The following SLC4A4 variants were observed in gnomAD, a reference collection of about 807,000 sequenced individuals.
The protein encoded by SLC4A4 is solute carrier family 4 member 4, also known as electrogenic sodium bicarbonate cotransporter 1.
Under a neutral mutation model 111.5 loss-of-function variants are expected in SLC4A4, and 27 were observed. The observed-to-expected ratio is 0.24, with a 90% CI of 0.18 to 0.33. The LOEUF is 0.33. Ranked by LOEUF, SLC4A4 falls within the 10% of genes least tolerant of loss-of-function variation. SLC4A4 has a pLI of 1.00. For missense variants in SLC4A4, 909 were observed against 1,315.5 expected (o/e 0.69, Z 4.78); for synonymous variants, 443 against 463.4 (o/e 0.96, Z 0.57).
chr4:71,459,522 T>A (rs550674630), intron 12 of SLC4A4, among the ~76,000 whole-genome samples: 1 of 152,190 alleles, frequency 6.6e-6, no homozygotes, highest in African/African-American at 2.4e-5. Context: ...GTATGAATAT[T>A]TAACATCATT....
At chr4:71,387,536 C>T (rs1397066162) in intron 6 of SLC4A4, among the ~76,000 whole-genome samples, 1 of 151,896 alleles carries the variant, frequency 6.6e-6, no homozygotes, top group African/African-American at 2.4e-5. Flanking sequence ...CTCTTGTTGC[C>T]CAGGCTGGAG....
intron 3 of SLC4A4, among the ~76,000 whole-genome samples, chr4:71,285,080 C>G (rs1723805177): frequency 6.6e-6 from 1 of 152,148 alleles, no homozygotes; most frequent in Non-Finnish European, 1.5e-5. Context: ...TCTCAGTAGT[C>G]TCAGGTGTCA....
intron 3 of SLC4A4, among the ~76,000 whole-genome samples, chr4:71,294,840 T>C (rs1724649143): frequency 6.6e-6 from 1 of 152,258 alleles, no homozygotes; most frequent in Non-Finnish European, 1.5e-5. Context: ...CCATAATTGT[T>C]ATAAATATAA....
At chr4:71,189,096 T>C (rs1320716715) in intron 1 of SLC4A4, among the ~76,000 whole-genome samples, 1 of 151,802 alleles carries the variant, frequency 6.6e-6, no homozygotes, top group East Asian at 1.9e-4. Flanking sequence ...TTTGTAGGAG[T>C]GGGGGTGACA....
intron 7 of SLC4A4, among the ~76,000 whole-genome samples, chr4:71,402,955 T>G (rs928440170): frequency 6.6e-6 from 1 of 152,222 alleles, no homozygotes; most frequent in Admixed American, 6.5e-5. Context: ...CTTAAACAGT[T>G]GACAGGGATT....
chr4:71,205,696 T>A (rs1717712150), intron 1 of SLC4A4, among the ~76,000 whole-genome samples: 1 of 152,106 alleles, frequency 6.6e-6, no homozygotes, highest in Non-Finnish European at 1.5e-5. Flanking sequence ...AGCTATTGAC[T>A]CCTCCAAAAT....
intron 1 of SLC4A4, among the ~76,000 whole-genome samples, chr4:71,198,778 T>C (rs1746122355): frequency 6.6e-6 from 1 of 152,144 alleles, no homozygotes; most frequent in South Asian, 2.1e-4. Context: ...CTGGGCAGCA[T>C]AGTGAGACCC....
chr4:71,274,392 G>A (rs550904541), intron 3 of SLC4A4, among the ~76,000 whole-genome samples: 7 of 152,104 alleles, frequency 4.6e-5, no homozygotes, highest in Non-Finnish European at 1.0e-4. Flanking sequence ...TTGTTCAGTG[G>A]CCAACTGTAT....
At position 71,569,804 on chromosome 4, in the gene SLC4A4, T is replaced by C. The variant is rs1737795486; in HGVS notation, c.*2053T>C. The C allele has an allele frequency of 6.6e-6, 1 of 151,748 alleles. No individual in the cohort carries two copies. Among genetic ancestry groups the C allele is most frequent in the South Asian group, 2.1e-4 (1 of 4,836 alleles). The allele number at this position is 151,748 out of a possible 1,614,324, so 9.4% of individuals were successfully genotyped here. A position where few individuals can be genotyped will look rare whatever the true frequency, so the allele number is the denominator to read the frequency against. ...ATTATCCTGAGTTAGCTGTTACTTT[T>C]ACAGTACCTGATACTCCTAAAACTT... On this transcript the variant is annotated 3_prime_UTR_variant, in exon 26 of 26. Transcript: ENST00000264485.
At chr4:71,520,344 A>G (rs573930781) in intron 16 of SLC4A4, among the ~76,000 whole-genome samples, 136 of 152,322 alleles carry the variant, frequency 8.9e-4, no homozygotes, top group Admixed American at 2.4e-3. Context: ...AAACACTTAG[A>G]CTTCTCTTTT....
At chr4:71,522,701 C>T (rs530374444) in intron 16 of SLC4A4, among the ~76,000 whole-genome samples, 1 of 152,298 alleles carries the variant, frequency 6.6e-6, no homozygotes, top group Non-Finnish European at 1.5e-5. Flanking sequence ...TTCTAACCCT[C>T]ACATGAATTG....
At chr4:71,221,713 A>T (rs950825711) in intron 1 of SLC4A4, among the ~76,000 whole-genome samples, 9 of 152,212 alleles carry the variant, frequency 5.9e-5, no homozygotes, top group Non-Finnish European at 1.3e-4. Context: ...CTTTGGAGCT[A>T]GTTTGGCAGA....
intron 7 of SLC4A4, among the ~76,000 whole-genome samples, chr4:71,406,332 T>TA (rs1553906277): frequency 4.6e-5 from 7 of 151,672 alleles, no homozygotes; most frequent in South Asian, 2.1e-4. Flanking sequence ...CTTTTTTTTT[T>TA]AACATGTTGG....
intron 3 of SLC4A4, among the ~76,000 whole-genome samples, chr4:71,259,419 C>T (rs1204305795): frequency 6.6e-6 from 1 of 151,982 alleles, no homozygotes; most frequent in Non-Finnish European, 1.5e-5. Flanking sequence ...CCCAGTGTGG[C>T]GTCAGAGCTG....
chr4:71,511,483 A>G (rs1731912564), intron 16 of SLC4A4, among the ~76,000 whole-genome samples: 1 of 151,902 alleles, frequency 6.6e-6, no homozygotes, highest in African/African-American at 2.4e-5. Flanking sequence ...TTAGAATGTA[A>G]ATAAAGCTGA....
At chr4:71,545,466 T>C (rs941912598) in intron 18 of SLC4A4, among the ~76,000 whole-genome samples, 11 of 152,020 alleles carry the variant, frequency 7.2e-5, no homozygotes, top group African/African-American at 2.4e-4. Flanking sequence ...TTTCTCAGGC[T>C]CCATAGGGGT....
At chr4:71,437,556 C>T in intron 7 of SLC4A4, 1 of 507,876 alleles carries the variant, frequency 2.0e-6, no homozygotes, top group South Asian at 1.5e-5. Flanking sequence ...CAATGCTTGG[C>T]ATTTTTATGG....
At chr4:71,331,570 G>A (rs2148879220) in intron 3 of SLC4A4, among the ~76,000 whole-genome samples, 1 of 149,078 alleles carries the variant, frequency 6.7e-6, no homozygotes, top group East Asian at 2.0e-4. Context: ...ATCACACACT[G>A]GGGCCTGTTG....
At chr4:71,168,004 T>C (rs1254228690) in intron 2 of SLC4A4, among the ~76,000 whole-genome samples, 1 of 151,984 alleles carries the variant, frequency 6.6e-6, no homozygotes, top group Non-Finnish European at 1.5e-5. Flanking sequence ...ATTATTTATT[T>C]GTTTTTTTAA....
Sources: allele counts gnomAD v4.1 joint callset (sites outside exome capture counted in the v4.1 genomes callset), GRCh38; gene constraint gnomAD v4.1.1; transcripts MANE v1.5; gene names NCBI Gene and HGNC (gene_info 2026-07-23, HGNC 2026-07-21).